Variants in PAPPA2 observed in about 807,000 individuals in gnomAD.
PAPPA2 encodes the protein pappalysin 2.
PAPPA2 carries 86 observed loss-of-function variants against 176.4 expected under a neutral mutation model. The observed-to-expected ratio is 0.49, with a 90% confidence interval of 0.41 to 0.58. PAPPA2 has a LOEUF of 0.58. Among genes scored for constraint, PAPPA2 ranks in the 20% least tolerant of loss-of-function variants. PAPPA2 has a pLI of 0.00. For missense variants in PAPPA2, 2,073 were observed against 2,256.9 expected (o/e 0.92, Z 1.65); for synonymous variants, 809 against 852.2 (o/e 0.95, Z 0.88).
chr1:176,781,163 C>G (rs1170658402), intron 17 of PAPPA2, among the ~76,000 whole-genome samples: 6 of 151,986 alleles, frequency 3.9e-5, no homozygotes. Flanking sequence ...GGGCCCCAAA[C>G]TTGGGTTTAG....
intron 19 of PAPPA2, among the ~76,000 whole-genome samples, chr1:176,793,143 C>A (rs1297770703): frequency 1.3e-5 from 2 of 152,140 alleles, no homozygotes. Flanking sequence ...TTCCAGGAGA[C>A]CATGTAAACA....
At chr1:176,739,842 T>C in intron 13 of PAPPA2, 81 bp downstream of exon 13, 1 of 1,581,774 alleles carries the variant, frequency 6.3e-7, no homozygotes. Flanking sequence ...CTGTCTTTTA[T>C]GTTGTCTGGG....
intron 21 of PAPPA2, among the ~76,000 whole-genome samples, chr1:176,816,191 T>C (rs1241221677): frequency 2.5e-5 from 3 of 122,084 alleles, no homozygotes; most frequent in African/African-American, 9.3e-5. Context: ...TATATATATA[T>C]ATATATGTAC....
At position 176,842,452 on chromosome 1, in the gene PAPPA2, T is replaced by C. The variant is rs746581147; in HGVS notation, c.5374T>C (p.Ter1792GlnextTer33). 3.3e-5 allele frequency: 53 copies of C among 1,612,508 alleles called. No homozygotes were observed. The South Asian group carries it at 5.6e-4, about 17-fold the overall frequency. Residue 1792 changes from the stop codon to glutamine (Q), a stop_lost, in exon 23 of 23, where the codon TAA becomes CAA. Transcript: ENST00000367662. ...CRDPKAEENQ* is the reference protein window; with the variant it reads ...CRDPKAEENQQ ...GGACCCCAAGGCAGAAGAAAATCAG[T>C]AACTGTGGGAACAAGCCCCTCCCTC...
At chr1:176,709,090 T>G (rs942487819) in intron 10 of PAPPA2, among the ~76,000 whole-genome samples, 1 of 152,178 alleles carries the variant, frequency 6.6e-6, no homozygotes, top group Non-Finnish European at 1.5e-5. Flanking sequence ...TGCTATTCAC[T>G]TACTAGGAGT....
At chr1:176,817,505 C>T (rs1376878296) in intron 21 of PAPPA2, among the ~76,000 whole-genome samples, 4 of 151,930 alleles carry the variant, frequency 2.6e-5, no homozygotes, top group South Asian at 2.1e-4. Context: ...GGAAGAGTGA[C>T]GGGTGATAAG....
intron 21 of PAPPA2, among the ~76,000 whole-genome samples, chr1:176,821,035 C>A (rs139253437): frequency 1.3e-5 from 2 of 152,174 alleles, no homozygotes; most frequent in Admixed American, 6.5e-5. Context: ...GCTGCTCCCC[C>A]CAATGGCTAG....
intron 17 of PAPPA2, among the ~76,000 whole-genome samples, 162 bp downstream of exon 17, chr1:176,771,342 TC>T (rs1321334334): frequency 1.3e-5 from 2 of 152,206 alleles, no homozygotes; most frequent in African/African-American, 4.8e-5. Flanking sequence ...CAATAGAAGA[TC>T]CCACAGTCTC....
At chr1:176,577,301 A>G (rs1451829420) in intron 2 of PAPPA2, among the ~76,000 whole-genome samples, 2 of 152,106 alleles carry the variant, frequency 1.3e-5, no homozygotes, top group Non-Finnish European at 1.5e-5. Context: ...AATCTGCTTC[A>G]TTGACTTCCA....
At chr1:176,639,009 G>A (rs1272006860) in intron 3 of PAPPA2, among the ~76,000 whole-genome samples, 1 of 150,578 alleles carries the variant, frequency 6.6e-6, no homozygotes, top group Admixed American at 6.6e-5. Flanking sequence ...AATGCTAAAG[G>A]TCCAAAATAC....
At chr1:176,487,557 A>G (rs538045847) in intron 1 of PAPPA2, among the ~76,000 whole-genome samples, 1 of 152,322 alleles carries the variant, frequency 6.6e-6, no homozygotes, top group Admixed American at 6.5e-5. Flanking sequence ...TGGGGTCAGT[A>G]TTGATGGAAT....
intron 1 of PAPPA2, among the ~76,000 whole-genome samples, chr1:176,505,368 A>G (rs901622815): frequency 2.0e-5 from 3 of 152,090 alleles, no homozygotes; most frequent in African/African-American, 4.8e-5. Context: ...CCCTCCCATT[A>G]TAAACGACTA....
At chr1:176,565,616 G>A (rs889597891) in intron 2 of PAPPA2, among the ~76,000 whole-genome samples, 5 of 152,174 alleles carry the variant, frequency 3.3e-5, no homozygotes, top group Non-Finnish European at 7.4e-5. Context: ...GATCACCTGA[G>A]CCTGGTGAGG....
At chr1:176,655,973 A>G (rs905023919) in intron 3 of PAPPA2, among the ~76,000 whole-genome samples, 1 of 151,900 alleles carries the variant, frequency 6.6e-6, no homozygotes, top group African/African-American at 2.4e-5. Context: ...GTCCCGTGAT[A>G]TATAAATCAA....
chr1:176,699,831 A>G (rs1391579632), intron 8 of PAPPA2, among the ~76,000 whole-genome samples: 1 of 152,148 alleles, frequency 6.6e-6, no homozygotes, highest in Non-Finnish European at 1.5e-5. Context: ...AGTGTATGAG[A>G]TGTTTCAGTT....
intron 3 of PAPPA2, among the ~76,000 whole-genome samples, chr1:176,649,666 C>A (rs979540415): frequency 6.6e-6 from 1 of 151,496 alleles, no homozygotes; most frequent in African/African-American, 2.4e-5. Context: ...ATGTAATGGT[C>A]ACTCAGAAAC....
At chr1:176,634,304 G>T (rs1385632992) in intron 3 of PAPPA2, among the ~76,000 whole-genome samples, 2 of 151,878 alleles carry the variant, frequency 1.3e-5, no homozygotes, top group African/African-American at 4.8e-5. Context: ...ACATGGGTGA[G>T]CTGGAAACCA....
intron 3 of PAPPA2, among the ~76,000 whole-genome samples, chr1:176,622,350 A>G (rs1296290938): frequency 1.3e-5 from 2 of 152,232 alleles, no homozygotes; most frequent in African/African-American, 2.4e-5. Context: ...TGGATGCAAC[A>G]ACCTGAATCT....
intron 12 of PAPPA2, among the ~76,000 whole-genome samples, chr1:176,733,585 G>T (rs1662262378): frequency 6.6e-6 from 1 of 152,138 alleles, no homozygotes; most frequent in African/African-American, 2.4e-5. Flanking sequence ...GAATAATTGG[G>T]ATAGCAATGT....
Sources: gnomAD v4.1 joint callset for allele counts (sites outside exome capture counted in the v4.1 genomes callset) on GRCh38, gnomAD v4.1.1 for gene constraint, MANE v1.5 for transcripts, NCBI Gene and HGNC (gene_info 2026-07-23, HGNC 2026-07-21) for gene names.